The following TLK1 variants were observed in gnomAD, a reference collection of about 807,000 sequenced individuals.
TLK1 encodes the protein serine/threonine-protein kinase tousled-like 1.
In TLK1, 24 loss-of-function variants were observed where a neutral mutation model predicts 105.3. The ratio of observed to expected loss-of-function variants is 0.23; its 90% confidence interval spans 0.17 to 0.32. TLK1 has a LOEUF of 0.32. TLK1 is among the 10% of genes least tolerant of loss of function. TLK1 has a pLI of 1.00. For missense variants in TLK1, 558 were observed against 910.5 expected (o/e 0.61, Z 4.98); for synonymous variants, 321 against 310.4 (o/e 1.03, Z -0.36).
At chr2:171,219,995 C>T (rs186675315) in intron 1 of TLK1, among the ~76,000 whole-genome samples, 3 of 152,222 alleles carry the variant, frequency 2.0e-5, no homozygotes, top group Non-Finnish European at 2.9e-5. Flanking sequence ...CCAACATTAT[C>T]GCTTTGGGGG....
intron 1 of TLK1, among the ~76,000 whole-genome samples, chr2:171,128,882 G>T (rs1302823727): frequency 6.6e-6 from 1 of 152,082 alleles, no homozygotes; most frequent in East Asian, 1.9e-4. Flanking sequence ...GACACTGAAA[G>T]GTTAAGTTAT....
At chr2:171,010,151 G>C (rs1304949990) in intron 14 of TLK1, among the ~76,000 whole-genome samples, 1 of 152,158 alleles carries the variant, frequency 6.6e-6, no homozygotes, top group East Asian at 1.9e-4. Flanking sequence ...AGACAGAAGG[G>C]AAGGGTCATG....
intron 3 of TLK1, among the ~76,000 whole-genome samples, chr2:171,067,778 C>T (rs1184944822): frequency 6.6e-6 from 1 of 151,986 alleles, no homozygotes; most frequent in Non-Finnish European, 1.5e-5. Flanking sequence ...CACCTCAAAA[C>T]AGGCCCTGTT....
Position 171,006,529 on chromosome 2 carries a change from T to G in TLK1, c.1713A>C (p.Ala571=). 1.9e-6 allele frequency: 3 copies of G among 1,612,904 alleles called. No homozygotes were observed. The highest frequency in any genetic ancestry group is 2.5e-6 in the Non-Finnish European group (3 of 1,179,548). The change falls in exon 17 of 21, where the codon GCA becomes GCC. Residue 571 remains alanine (A), a synonymous_variant. Transcript: ENST00000431350. ...ARSIVMQIVN[A]LRYLNEIKPP... ...GTTTGATCTCATTGAGATATCTTAG[T>G]GCATTTACAATCTGCATTACAATAG... is the stretch of plus-strand genomic sequence containing the variant.
chr2:171,107,877 G>T (rs1689996123), intron 2 of TLK1, among the ~76,000 whole-genome samples: 1 of 151,948 alleles, frequency 6.6e-6, no homozygotes, highest in African/African-American at 2.4e-5. Flanking sequence ...TGGGCAACAT[G>T]GTGAGACTCA....
chr2:171,122,035 C>G (rs894632235), intron 1 of TLK1, among the ~76,000 whole-genome samples: 1 of 152,210 alleles, frequency 6.6e-6, no homozygotes, highest in Non-Finnish European at 1.5e-5. Flanking sequence ...CAACCTCCAC[C>G]TCCTGGGTTC....
At chr2:171,161,047 G>T, upstream of TLK1, 1 of 154,042 alleles carries the variant, frequency 6.5e-6, no homozygotes, top group South Asian at 1.7e-4. Context: ...GGGGGGTGGG[G>T]GCATGGGGAA....
intron 1 of TLK1, among the ~76,000 whole-genome samples, chr2:171,142,978 G>A (rs576467454): frequency 7.2e-5 from 11 of 152,274 alleles, no homozygotes; most frequent in Non-Finnish European, 1.3e-4. Flanking sequence ...GGAGGGATTC[G>A]CTTGAACCCA....
chr2:171,219,600 C>T (rs1693771739), intron 1 of TLK1, among the ~76,000 whole-genome samples: 1 of 151,524 alleles, frequency 6.6e-6, no homozygotes, highest in Non-Finnish European at 1.5e-5. Flanking sequence ...GTCCCTCCCC[C>T]CACCTTTTTT....
rs1346331907 is a variant in TLK1, at chr2:171,053,006, C to A, written c.732+755G>T. ...GCATTAGTACTTTCACCCTTCCCAA[C>A]TGGTGAGTCTAAGGAGCATCAAGGG... is the stretch of plus-strand genomic sequence containing the variant. On this transcript the variant is annotated intron_variant, in intron 8 of 20. Transcript: ENST00000431350. Among the ~76,000 whole-genome samples the A allele has an allele frequency of 2.0e-5, 3 of 152,208 alleles. No individual in the cohort carries two copies. The East Asian group carries it at 5.8e-4, about 29-fold the overall frequency.
At chr2:171,191,159 TAA>T (rs60212127) in intron 1 of TLK1, among the ~76,000 whole-genome samples, 9 of 145,602 alleles carry the variant, frequency 6.2e-5, no homozygotes, top group East Asian at 2.0e-4. Flanking sequence ...GACTCCATCT[TAA>T]AAAAAAAAAA....
At position 171,129,830 on chromosome 2, in the gene TLK1, AATAACATAACATAAC is replaced by A. The variant is rs3084410; in HGVS notation, c.140-11988_140-11974del. Reference sequence around the variant, plus strand: ...AGCCTGGGATATAGATAGGTTACCAAATAACATAACATAACATAACATAACATAACATAACATAAC... The same window carrying A: ...AGCCTGGGATATAGATAGGTTACCAAATAACATAACATAACATAACATAAC... On this transcript the variant is annotated intron_variant, in intron 1 of 20. Coordinates refer to ENST00000431350, the MANE Select transcript of TLK1 (RefSeq NM_012290.5). Among the ~76,000 whole-genome samples, 694 of 142,678 alleles carry A rather than the reference AATAACATAACATAAC, an allele frequency of 4.9e-3. 2 individuals are homozygous for A. Among genetic ancestry groups the A allele is most frequent in the African/African-American group, 6.9e-3 (261 of 38,086 alleles). The allele number at this position is 142,678 out of a possible 152,430, so 93.6% of individuals were successfully genotyped here.
At chr2:171,096,002 G>A (rs1689436040) in intron 2 of TLK1, among the ~76,000 whole-genome samples, 1 of 151,620 alleles carries the variant, frequency 6.6e-6, no homozygotes, top group Non-Finnish European at 1.5e-5. Context: ...ATATAGTACC[G>A]GAAATCCTAC....
chr2:171,027,322 A>G (rs1035220593), intron 12 of TLK1, among the ~76,000 whole-genome samples: 1 of 152,156 alleles, frequency 6.6e-6, no homozygotes, highest in African/African-American at 2.4e-5. Flanking sequence ...GGTCAAAGAA[A>G]AAGAACTTTA....
At chr2:171,135,619 G>T (rs535846569) in intron 1 of TLK1, among the ~76,000 whole-genome samples, 1 of 152,050 alleles carries the variant, frequency 6.6e-6, no homozygotes, top group African/African-American at 2.4e-5. Flanking sequence ...TGGCCAACAT[G>T]GTAAAACCCC....
At chr2:171,066,801 A>T in intron 3 of TLK1, 1 of 1,545,034 alleles carries the variant, frequency 6.5e-7, no homozygotes, top group East Asian at 2.4e-5. Context: ...ATATACTATA[A>T]AATTAGAATA....
intron 11 of TLK1, among the ~76,000 whole-genome samples, chr2:171,031,974 G>C (rs1686067124): frequency 6.6e-6 from 1 of 152,110 alleles, no homozygotes; most frequent in Non-Finnish European, 1.5e-5. Context: ...TGTAGTCCCA[G>C]CTACTCAGGA....
At chr2:171,223,841 T>G (rs1347459011) in intron 1 of TLK1, among the ~76,000 whole-genome samples, 1 of 151,812 alleles carries the variant, frequency 6.6e-6, no homozygotes, top group African/African-American at 2.4e-5. Context: ...GAGCTCCTTG[T>G]ATATTCTGGT....
At chr2:171,158,248 C>T (rs1197008980) in intron 1 of TLK1, among the ~76,000 whole-genome samples, 2 of 152,096 alleles carry the variant, frequency 1.3e-5, no homozygotes, top group Non-Finnish European at 2.9e-5. Flanking sequence ...TACAGGTACT[C>T]GGTGTGAAGT....
Sources: gnomAD v4.1 joint callset for allele counts (sites outside exome capture counted in the v4.1 genomes callset) on GRCh38, gnomAD v4.1.1 for gene constraint, MANE v1.5 for transcripts, NCBI Gene and HGNC (gene_info 2026-07-23, HGNC 2026-07-21) for gene names.